The following WASF3 variants were observed in gnomAD, a reference collection of about 807,000 sequenced individuals.
WASF3 encodes actin-binding protein WASF3.
A neutral mutation model predicts 46.6 loss-of-function variants in WASF3; 11 were observed. The observed-to-expected ratio is 0.24, with a 90% confidence interval of 0.15 to 0.39. WASF3 has a LOEUF of 0.39. WASF3 is among the 10% of genes least tolerant of loss of function. The pLI, the probability that WASF3 is intolerant of heterozygous loss-of-function variation, is 1.00. For missense variants in WASF3, 576 were observed against 669.8 expected, an observed-to-expected ratio of 0.86 and a Z score of 1.55; for synonymous variants, 242 against 259.7, an observed-to-expected ratio of 0.93 and a Z score of 0.65.
At chr13:26,579,480 A>T (rs1242791734) in intron 1 of WASF3, among the ~76,000 whole-genome samples, 1 of 152,170 alleles carries the variant, frequency 6.6e-6, no homozygotes, top group African/African-American at 2.4e-5. Context: ...AGTGCCAAGG[A>T]TAGGAAGTAA....
In WASF3 at chr13:26,648,667, C is replaced by T. The variant is rs566174035; in HGVS notation, c.133+6264C>T. ...GATAAAATATATTGAGGTGTCCGAC[C>T]GAAGTTGACTGGGAGGAACACAGCA... On this transcript the variant is annotated intron_variant, in intron 3 of 9. Transcript: ENST00000335327. Among the ~76,000 whole-genome samples the T allele has an allele frequency of 8.5e-5, 13 of 152,088 alleles. No homozygotes were observed. The East Asian group carries it at 1.4e-3, about 16-fold the overall frequency.
rs563013481 is a variant in WASF3, at chr13:26,611,484, A to G, written c.-108-1477A>G. Among the ~76,000 whole-genome samples, 109 of 152,220 alleles carry G rather than the reference A, an allele frequency of 7.2e-4. 1 individual carries two copies. Among genetic ancestry groups the G allele is most frequent in the Non-Finnish European group, 1.0e-3 (69 of 68,040 alleles). ...ACATAAATGGTCATCCAGAAAATAC[A>G]TAGGATGTTGGACATTTTCCTTGTC... is the stretch of plus-strand genomic sequence containing the variant. On this transcript the variant is annotated intron_variant, in intron 1 of 9. Coordinates refer to ENST00000335327, the MANE Select transcript of WASF3 (RefSeq NM_006646.6).
chr13:26,685,658 G>A (rs775842894), intron 9 of WASF3, 30 bp from the exon 10 acceptor site: 1 of 1,602,692 alleles, frequency 6.2e-7, no homozygotes, highest in South Asian at 1.1e-5. Flanking sequence ...GCAAAAGGAT[G>A]TGATTCTGAA....
intron 1 of WASF3, among the ~76,000 whole-genome samples, chr13:26,566,640 A>G (rs943834198): frequency 1.3e-5 from 2 of 152,138 alleles, no homozygotes; most frequent in Non-Finnish European, 2.9e-5. Context: ...TTAGCCTCCT[A>G]TAGGAACTGG....
chr13:26,585,998 A>G (rs956666676), intron 1 of WASF3, among the ~76,000 whole-genome samples: 6 of 152,178 alleles, frequency 3.9e-5, no homozygotes, highest in African/African-American at 1.4e-4. Context: ...CTTCCTTTCC[A>G]GTGATTTGGG....
chr13:26,554,040 TTTCCTTCC>T (rs1172684562), upstream of WASF3, among the ~76,000 whole-genome samples: 270 of 35,456 alleles, frequency 7.6e-3, 3 homozygotes, highest in Middle Eastern at 0.021. Flanking sequence ...TTTCTCTTTC[TTTCCTTCC>T]TTCCTTCCTT....
At chr13:26,550,480 T>C in the WASF3 span, among the ~76,000 whole-genome samples, 2 of 152,190 alleles carry the variant, frequency 1.3e-5, no homozygotes, top group African/African-American at 4.8e-5. Flanking sequence ...ACATTGGCAA[T>C]TATTCAACTA....
chr13:26,550,263 A>G, the WASF3 span, among the ~76,000 whole-genome samples: 1 of 152,068 alleles, frequency 6.6e-6, no homozygotes, highest in African/African-American at 2.4e-5. Context: ...CCTATACCTT[A>G]TTTACTGTTT....
chr13:26,603,941 G>T (rs1268331260), intron 1 of WASF3, among the ~76,000 whole-genome samples: 1 of 152,232 alleles, frequency 6.6e-6, no homozygotes, highest in Admixed American at 6.5e-5. Flanking sequence ...AGTAGCATGT[G>T]TTGGGTTTCA....
rs75668293 is a variant in WASF3, at chr13:26,621,256, G to A, written c.-11+8198G>A. Reference sequence around the variant, plus strand: ...TAAACCATTAGCATCTTGAGGAATGGGGTTTGTTTTATTTTCGTTTGTTCA... The same window carrying A: ...TAAACCATTAGCATCTTGAGGAATGAGGTTTGTTTTATTTTCGTTTGTTCA... On this transcript the variant is annotated intron_variant, in intron 2 of 9. Transcript: ENST00000335327. Among the ~76,000 whole-genome samples, 823 of 152,278 alleles carry A rather than the reference G, an allele frequency of 5.4e-3. 11 individuals are homozygous for A. The highest frequency in any genetic ancestry group is 0.019 in the African/African-American group (786 of 41,544).
intron 1 of WASF3, among the ~76,000 whole-genome samples, chr13:26,604,305 T>C (rs141002279): frequency 2.4e-4 from 36 of 152,324 alleles, no homozygotes; most frequent in African/African-American, 7.0e-4. Context: ...TTGTTATTAA[T>C]AAATTGCCAG....
At chr13:26,680,032 C>A in intron 7 of WASF3, 1 of 1,595,394 alleles carries the variant, frequency 6.3e-7, no homozygotes, top group Non-Finnish European at 8.5e-7. Context: ...GTATTTCCTT[C>A]AGAGAGAGAA....
chr13:26,598,299 T>G (rs1422228984), intron 1 of WASF3, among the ~76,000 whole-genome samples: 2 of 152,204 alleles, frequency 1.3e-5, no homozygotes, highest in African/African-American at 4.8e-5. Flanking sequence ...CTTTGCCCAC[T>G]TTTTGATGGG....
chr13:26,543,185 CTCTGATCCTGGAG>C, the WASF3 span, among the ~76,000 whole-genome samples: 1 of 152,116 alleles, frequency 6.6e-6, no homozygotes, highest in African/African-American at 2.4e-5. Flanking sequence ...TCTGCCTGGA[CTCTGATCCTGGAG>C]TCTTTGTTTA....
At chr13:26,591,718 T>C (rs1239761092) in intron 1 of WASF3, among the ~76,000 whole-genome samples, 1 of 152,146 alleles carries the variant, frequency 6.6e-6, no homozygotes, top group Non-Finnish European at 1.5e-5. Flanking sequence ...TGGTCTGGGC[T>C]GGAGATGGGA....
At chr13:26,664,363 G>T (rs1237088627) in intron 3 of WASF3, among the ~76,000 whole-genome samples, 1 of 152,218 alleles carries the variant, frequency 6.6e-6, no homozygotes, top group African/African-American at 2.4e-5. Context: ...GAAATTCAGT[G>T]TAAGCAGATA....
rs59547596 is a variant in WASF3 at position 26,595,778 on chromosome 13, A to G, written c.-108-17183A>G. Among the ~76,000 whole-genome samples the G allele has an allele frequency of 6.2e-3, 948 of 152,328 alleles. 11 individuals carry two copies. Among genetic ancestry groups the G allele is most frequent in the African/African-American group, 0.022 (906 of 41,574 alleles). ...AACCTTTGTGATTACTTTTTTCACT[A>G]AGCAAAATGTCTTTGAGGTCTGTCC... On this transcript the variant is annotated intron_variant, in intron 1 of 9. Transcript: ENST00000335327.
chr13:26,629,251 A>G (rs1368331690), intron 2 of WASF3, among the ~76,000 whole-genome samples: 1 of 152,176 alleles, frequency 6.6e-6, no homozygotes, highest in Non-Finnish European at 1.5e-5. Context: ...GAGGTTAACA[A>G]GTGATACAGA....
chr13:26,558,497 G>T (rs975542412), intron 1 of WASF3, among the ~76,000 whole-genome samples: 1 of 144,988 alleles, frequency 6.9e-6, no homozygotes, highest in Non-Finnish European at 1.6e-5. Context: ...GGCGCGCGGG[G>T]TATCATCCCC....
Sources: gnomAD v4.1 joint callset for allele counts (sites outside exome capture counted in the v4.1 genomes callset) on GRCh38, gnomAD v4.1.1 for gene constraint, MANE v1.5 for transcripts, NCBI Gene and HGNC (gene_info 2026-07-23, HGNC 2026-07-21) for gene names.